Variants in RGPD3 observed in about 807,000 individuals in gnomAD.
RGPD3 encodes RANBP2 like and GRIP domain containing 3, also known as ranBP2-like and GRIP domain-containing protein 3.
In RGPD3, 62 loss-of-function variants were observed where a neutral mutation model predicts 154.5. That is an observed-to-expected ratio of 0.40 (90% CI 0.33 to 0.50). The LOEUF is 0.50. RGPD3 is among the 20% of genes least tolerant of loss of function. RGPD3 has a pLI of 0.59. For missense variants in RGPD3, 919 were observed against 1,716.8 expected (o/e 0.54, Z 8.21); for synonymous variants, 308 against 607.0 (o/e 0.51, Z 7.24).
In RGPD3 at chr2:106,403,410, G is replaced by GT. The variant is rs1230990788; in HGVS notation, c.*1808dup. Among the ~76,000 whole-genome samples the GT allele has an allele frequency of 6.6e-6, 1 of 151,846 alleles. No homozygotes were observed. Among genetic ancestry groups the GT allele is most frequent in the Non-Finnish European group, 1.5e-5 (1 of 67,936 alleles). ...AAAAGAGCTGCCATAAAAATATACAGTTAAACATATTTAATAGAAATATTA... is the reference window on the plus strand; with the variant it reads ...AAAAGAGCTGCCATAAAAATATACAGTTTAAACATATTTAATAGAAATATTA... On this transcript the variant is annotated 3_prime_UTR_variant, in exon 23 of 23. Transcript: ENST00000409886.
chr2:106,444,749 A>G (rs1262527336), intron 7 of RGPD3, among the ~76,000 whole-genome samples: 2 of 151,072 alleles, frequency 1.3e-5, no homozygotes. Context: ...GGATCACTTG[A>G]GCCCAGGAGT....
At chr2:106,408,951 G>T (rs980150377) in intron 22 of RGPD3, among the ~76,000 whole-genome samples, 15 of 151,634 alleles carry the variant, frequency 9.9e-5, no homozygotes, top group Admixed American at 4.6e-4. Flanking sequence ...TTCTCAAACT[G>T]TTGGGCTTAC....
At chr2:106,463,368 A>G (rs1275833811) in intron 1 of RGPD3, among the ~76,000 whole-genome samples, 1 of 152,226 alleles carries the variant, frequency 6.6e-6, no homozygotes, top group African/African-American at 2.4e-5. Flanking sequence ...CCCACTACTC[A>G]GGAGGCTGAG....
At chr2:106,429,083 C>T (rs933150119) in intron 18 of RGPD3, among the ~76,000 whole-genome samples, 1 of 152,024 alleles carries the variant, frequency 6.6e-6, no homozygotes, top group African/African-American at 2.4e-5. Context: ...CCCACCTGCA[C>T]ATACACAAAT....
chr2:106,469,663 C>A (rs983030432), upstream of RGPD3, among the ~76,000 whole-genome samples: 1 of 152,172 alleles, frequency 6.6e-6, no homozygotes, highest in Non-Finnish European at 1.5e-5. Context: ...TTGGGAGCCT[C>A]GTTCCACATC....
chr2:106,421,253 A>G (rs1261858163), intron 20 of RGPD3, among the ~76,000 whole-genome samples: 1 of 151,952 alleles, frequency 6.6e-6, no homozygotes, highest in African/African-American at 2.4e-5. Flanking sequence ...TTCAAAACAG[A>G]ATAAGGCTCT....
At chr2:106,441,236 G>A in intron 8 of RGPD3, 57 bp downstream of exon 8, 4 of 1,571,878 alleles carry the variant, frequency 2.5e-6, no homozygotes, top group African/African-American at 1.4e-5. Flanking sequence ...CATAAGATAT[G>A]CCTTAACAGA....
Position 106,448,905 on chromosome 2 carries a change from A to T in RGPD3, c.783-1292T>A, listed in dbSNP as rs1466464843. ...CAAGGTTTCACCATTGTTAGCTGGG[A>T]TGGTCTCGATCTCCTGACTTCGTGA... On this transcript the variant is annotated intron_variant, in intron 6 of 22. Transcript: ENST00000409886. Among the ~76,000 whole-genome samples the T allele has an allele frequency of 9.6e-4, 144 of 150,212 alleles. 1 individual carries two copies. Among genetic ancestry groups the T allele is most frequent in the African/African-American group, 3.4e-3 (139 of 40,686 alleles).
chr2:106,432,742 C>T (rs1162996647), intron 17 of RGPD3, among the ~76,000 whole-genome samples, 193 bp downstream of exon 17: 2 of 107,876 alleles, frequency 1.9e-5, no homozygotes, highest in East Asian at 7.2e-4. Flanking sequence ...TGTGATCATA[C>T]CACTGTACTC....
chr2:106,470,545 G>A (rs2104536111), upstream of RGPD3, among the ~76,000 whole-genome samples: 1 of 151,848 alleles, frequency 6.6e-6, no homozygotes, highest in Admixed American at 6.6e-5. Context: ...TTCTTATGCA[G>A]ACAGTACATC....
At chr2:106,414,896 C>A (rs993856765) in intron 21 of RGPD3, among the ~76,000 whole-genome samples, 5 of 152,200 alleles carry the variant, frequency 3.3e-5, no homozygotes, top group Admixed American at 3.3e-4. Flanking sequence ...AAAGCATGTA[C>A]TTTTCAGACA....
In RGPD3 at chr2:106,424,340, C is replaced by A. The variant is rs1398378976; in HGVS notation, c.3627G>T (p.Leu1209Phe). Residue 1209 changes from leucine to phenylalanine, a missense_variant, in exon 20 of 23, where the codon TTG (leucine) becomes TTT (phenylalanine). By Grantham distance (22) the Leu-to-Phe change is conservative. Transcript: ENST00000409886. ...KSGLKDFKTF[L>F]TNDQTKVAEE... ...CAGCGACTTTTGTTTGATCATTTGTCAAAAATGTTTTGAAATCTTTCAGTC... is the reference window on the plus strand; with the variant it reads ...CAGCGACTTTTGTTTGATCATTTGTAAAAAATGTTTTGAAATCTTTCAGTC... 1.2e-6 allele frequency: 2 copies of A among 1,611,814 alleles called. No homozygotes were observed. The highest frequency in any genetic ancestry group is 2.2e-5 in the South Asian group (2 of 90,980).
chr2:106,415,697 A>AAAAAAAAAAAAT lies in RGPD3; in HGVS notation c.5064+152_5064+153insATTTTTTTTTTT, dbSNP rs1491421236. Reference sequence around the variant, plus strand: ...CTCAAAAAAAAAAAAAAAAAAAAAAAGGCAATATTTCTCACCATCAGGAAT... The same window carrying AAAAAAAAAAAAT: ...CTCAAAAAAAAAAAAAAAAAAAAAAAAAAAAAAAAAATGGCAATATTTCTCACCATCAGGAAT... On this transcript the variant is annotated intron_variant, in intron 21 of 22. Coordinates refer to ENST00000409886, the MANE Select transcript of RGPD3 (RefSeq NM_001144013.2). Among the ~76,000 whole-genome samples, 254 of 134,504 alleles carry AAAAAAAAAAAAT rather than the reference A, an allele frequency of 1.9e-3. 1 individual carries two copies. The highest frequency in any genetic ancestry group is 7.2e-3 in the African/African-American group (234 of 32,712). 88.2% of individuals were successfully genotyped at this position (134,504 alleles called of 152,430 possible). A position where few individuals can be genotyped will look rare whatever the true frequency, so the allele number is the denominator to read the frequency against.
chr2:106,428,622 A>G (rs1393336921), intron 18 of RGPD3, among the ~76,000 whole-genome samples: 9 of 151,882 alleles, frequency 5.9e-5, no homozygotes, highest in African/African-American at 9.7e-5. Context: ...TAACTATATG[A>G]ACCATCACAC....
Position 106,438,473 on chromosome 2 carries a change from G to T in RGPD3, c.1276+495C>A, listed in dbSNP as rs565658953. ...ACTACACTCCAGCCCAGGTGACACA[G>T]CGAGACCCTGTCTCAAAATACAACA... On this transcript the variant is annotated intron_variant, in intron 9 of 22. Coordinates refer to ENST00000409886, the MANE Select transcript of RGPD3 (RefSeq NM_001144013.2). Among the ~76,000 whole-genome samples the T allele has an allele frequency of 8.4e-3, 1,242 of 148,514 alleles. 6 individuals are homozygous for T. The highest frequency in any genetic ancestry group is 0.012 in the Non-Finnish European group (818 of 67,100).
At chr2:106,466,443 T>C (rs1295826905) in intron 1 of RGPD3, among the ~76,000 whole-genome samples, 1 of 109,006 alleles carries the variant, frequency 9.2e-6, no homozygotes, top group Non-Finnish European at 1.9e-5. Context: ...GCCTGAGCCA[T>C]CGAGGCCGCC....
intron 1 of RGPD3, among the ~76,000 whole-genome samples, chr2:106,466,194 A>C (rs1228135164): frequency 6.6e-6 from 1 of 152,080 alleles, no homozygotes; most frequent in African/African-American, 2.4e-5. Flanking sequence ...GAGAAAGAGG[A>C]AGCGCCGGCG....
At chr2:106,408,807 C>T (rs542002731) in intron 22 of RGPD3, among the ~76,000 whole-genome samples, 1 of 152,076 alleles carries the variant, frequency 6.6e-6, no homozygotes, top group Admixed American at 6.5e-5. Flanking sequence ...CTGCCTTAGC[C>T]TCCCGAGTAG....
intron 21 of RGPD3, among the ~76,000 whole-genome samples, chr2:106,413,559 C>T (rs1341074759): frequency 5.3e-5 from 8 of 152,226 alleles, no homozygotes; most frequent in Admixed American, 2.6e-4. Flanking sequence ...TGGATTGCTG[C>T]ATATGAACCA....
Sources: gnomAD v4.1 joint callset for allele counts (sites outside exome capture counted in the v4.1 genomes callset) on GRCh38, gnomAD v4.1.1 for gene constraint, MANE v1.5 for transcripts, NCBI Gene and HGNC (gene_info 2026-07-23, HGNC 2026-07-21) for gene names.